LDB2: variants seen among roughly 807,000 people sequenced by gnomAD.
LDB2 encodes LIM domain-binding protein 2.
In LDB2, 12 loss-of-function variants were observed where a neutral mutation model predicts 44.3. That is an observed-to-expected ratio of 0.27 (90% CI 0.17 to 0.44). LDB2 has a LOEUF of 0.44. Among genes scored for constraint, LDB2 ranks in the 20% least tolerant of loss-of-function variants. The pLI is 1.00. For synonymous variants in LDB2, 164 were observed against 174.8 expected (o/e 0.94, Z 0.49); for missense variants, 344 against 473.5 (o/e 0.73, Z 2.54).
intron 5 of LDB2, among the ~76,000 whole-genome samples, chr4:16,543,248 T>C (rs1734532190): frequency 6.6e-6 from 1 of 152,198 alleles, no homozygotes; most frequent in African/African-American, 2.4e-5. Context: ...TGCATGTGTC[T>C]TTATAGCAGC....
chr4:16,582,823 A>G lies in LDB2; in HGVS notation c.615+3099T>C, dbSNP rs4256222. ...CAGCCACAGCTCCACTGGGACCACC[A>G]AGTCAGCCATCATCGTACCTCTTAG... On this transcript the variant is annotated intron_variant, in intron 5 of 7. Transcript: ENST00000304523. The surrounding 1 kb of genome is among the most constrained non-coding windows in gnomAD (Gnocchi z 4.8). 0.76 allele frequency among the ~76,000 whole-genome samples: 115,198 copies of G among 152,034 alleles called. 43,979 individuals are homozygous for G. The highest frequency in any genetic ancestry group is 0.89 in the Middle Eastern group (262 of 294).
intron 2 of LDB2, among the ~76,000 whole-genome samples, chr4:16,614,208 T>C (rs1365650845): frequency 6.6e-6 from 1 of 152,222 alleles, no homozygotes; most frequent in Non-Finnish European, 1.5e-5. Flanking sequence ...GAAAGCTGGC[T>C]AGCCCTATAT....
At chr4:16,668,594 A>G (rs1743935753) in intron 2 of LDB2, among the ~76,000 whole-genome samples, 1 of 152,208 alleles carries the variant, frequency 6.6e-6, no homozygotes, top group African/African-American at 2.4e-5. Context: ...TTTCACAAAT[A>G]AGAAGAATAA....
intron 2 of LDB2, among the ~76,000 whole-genome samples, chr4:16,646,891 T>G (rs974470750): frequency 6.6e-6 from 1 of 152,162 alleles, no homozygotes; most frequent in Non-Finnish European, 1.5e-5. Context: ...TGGAAAACAG[T>G]CTGATGGTCC....
chr4:16,871,505 C>A (rs1422656129), intron 1 of LDB2, among the ~76,000 whole-genome samples: 1 of 152,142 alleles, frequency 6.6e-6, no homozygotes, highest in African/African-American at 2.4e-5. Context: ...AGAGCAGTGA[C>A]TCATGTCACT....
rs1253419205 is a variant in LDB2, at chr4:16,739,695, TAC to T, written c.235+19461_235+19462del. Among the ~76,000 whole-genome samples the T allele has an allele frequency of 5.9e-5, 5 of 85,218 alleles. 2 individuals are homozygous for T. Among genetic ancestry groups the T allele is most frequent in the African/African-American group, 1.5e-4 (3 of 20,046 alleles). The allele number at this position is 85,218 out of a possible 152,430, so 55.9% of individuals were successfully genotyped here. On this transcript the variant is annotated intron_variant, in intron 2 of 7. Transcript: ENST00000304523. ...ACATATGTGTGTATATATGTATATA[TAC>T]ATATATGTGTATATATGTATATATA...
chr4:16,776,041 C>G (rs1771816763), intron 1 of LDB2, among the ~76,000 whole-genome samples: 1 of 152,224 alleles, frequency 6.6e-6, no homozygotes, highest in Non-Finnish European at 1.5e-5. Context: ...AAAATTGTGG[C>G]TTGCCTGCCA....
At chr4:16,596,705 C>T (rs551179464) in intron 2 of LDB2, among the ~76,000 whole-genome samples, 3 of 152,282 alleles carry the variant, frequency 2.0e-5, no homozygotes, top group South Asian at 4.1e-4. Context: ...AAGTTGATAC[C>T]TTTCACTTGG....
rs148885802 is a variant in LDB2, at chr4:16,539,591, A to G, written c.616-27487T>C. ...CCAGGGCAAATTGCTTGATCCCATG[A>G]AGCAGGCAAGGCACACAAAAATAGT... On this transcript the variant is annotated intron_variant, in intron 5 of 7. Transcript: ENST00000304523. Among the ~76,000 whole-genome samples, 471 of 152,316 alleles carry G rather than the reference A, an allele frequency of 3.1e-3. 3 individuals carry two copies. The highest frequency in any genetic ancestry group is 0.011 in the African/African-American group (450 of 41,558).
chr4:16,666,926 G>A (rs566750248), intron 2 of LDB2, among the ~76,000 whole-genome samples: 1 of 152,246 alleles, frequency 6.6e-6, no homozygotes, highest in African/African-American at 2.4e-5. Context: ...GTCAGCTCAA[G>A]GAATTCCCTT....
At chr4:16,573,297 A>G (rs1340228738) in intron 5 of LDB2, among the ~76,000 whole-genome samples, 3 of 152,204 alleles carry the variant, frequency 2.0e-5, no homozygotes, top group African/African-American at 4.8e-5. Context: ...AATCAGACTC[A>G]TGTTACAGAG....
At chr4:16,756,795 C>A (rs928232878) in intron 2 of LDB2, among the ~76,000 whole-genome samples, 1 of 151,884 alleles carries the variant, frequency 6.6e-6, no homozygotes, top group African/African-American at 2.4e-5. Context: ...ACGCCTATTA[C>A]AGGATTTATG....
At chr4:16,705,261 A>G (rs1487251391) in intron 2 of LDB2, among the ~76,000 whole-genome samples, 1 of 152,126 alleles carries the variant, frequency 6.6e-6, no homozygotes, top group East Asian at 1.9e-4. Flanking sequence ...TCTTTGGAAT[A>G]GAGTTCACAT....
intron 5 of LDB2, among the ~76,000 whole-genome samples, chr4:16,513,671 T>G (rs1722619853): frequency 6.6e-6 from 1 of 152,194 alleles, no homozygotes; most frequent in Admixed American, 6.5e-5. Context: ...TCATTGGGTC[T>G]TGAGGTGGGG....
intron 5 of LDB2, among the ~76,000 whole-genome samples, chr4:16,521,655 A>G (rs1726137518): frequency 6.6e-6 from 1 of 152,160 alleles, no homozygotes; most frequent in African/African-American, 2.4e-5. Context: ...GTCATCAGAC[A>G]CATCCACTAC....
intron 2 of LDB2, among the ~76,000 whole-genome samples, chr4:16,747,495 G>A (rs759804209): frequency 6.6e-6 from 1 of 152,156 alleles, no homozygotes; most frequent in Non-Finnish European, 1.5e-5. Context: ...ATTTGAAAAA[G>A]AGAATTATTA....
intron 2 of LDB2, among the ~76,000 whole-genome samples, chr4:16,739,598 A>G (rs1331978062): frequency 1.1e-5 from 1 of 87,606 alleles, no homozygotes; most frequent in Non-Finnish European, 2.2e-5. Context: ...AAATATATAT[A>G]TATATATATA....
In LDB2 at chr4:16,759,152, T is replaced by C; in HGVS notation, c.235+6A>G. 6.2e-7 allele frequency: 1 copy of C among 1,600,136 alleles called. No individual in the cohort carries two copies. Among genetic ancestry groups the C allele is most frequent in the South Asian group, 1.1e-5 (1 of 90,748 alleles). On this transcript the variant is annotated splice_donor_region_variant and intron_variant, in intron 2 of 7. Transcript: ENST00000304523. ...GTAATATTAGAAAAATAAACTTCTT[T>C]CTTACTGTATCGCTTTGGTCCATCT...
At chr4:16,829,024 T>TA (rs1361702558) in intron 1 of LDB2, among the ~76,000 whole-genome samples, 4 of 152,172 alleles carry the variant, frequency 2.6e-5, no homozygotes, top group African/African-American at 9.6e-5. Flanking sequence ...TAAGAACACT[T>TA]ACATTCTCAG....
Sources: gnomAD v4.1 joint callset for allele counts (sites outside exome capture counted in the v4.1 genomes callset) on GRCh38, gnomAD v4.1.1 for gene constraint, Gnocchi (gnomAD v3.1) non-coding constraint, MANE v1.5 for transcripts, NCBI Gene and HGNC (gene_info 2026-07-23, HGNC 2026-07-21) for gene names.